The following TMPRSS15 variants were observed in gnomAD, a reference collection of about 807,000 sequenced individuals.
The protein encoded by TMPRSS15 is transmembrane serine protease 15.
Under a neutral mutation model 125.3 loss-of-function variants are expected in TMPRSS15, and 128 were observed. The observed-to-expected ratio is 1.02, with a 90% CI of 0.89 to 1.18. The LOEUF (loss-of-function observed/expected upper bound fraction) is 1.18, where lower values mean the gene tolerates loss of function less well. Ranked by LOEUF, TMPRSS15 falls within the 50% of genes most tolerant of loss-of-function variation. The pLI is 0.00. For synonymous variants in TMPRSS15, 446 were observed against 423.2 expected, an observed-to-expected ratio of 1.05 and a Z score of -0.66; for missense variants, 1,283 against 1,212.7, an observed-to-expected ratio of 1.06 and a Z score of -0.86.
chr21:18,457,963 G>A (rs546694628), intron 1 of TMPRSS15, among the ~76,000 whole-genome samples: 2 of 152,192 alleles, frequency 1.3e-5, no homozygotes, highest in South Asian at 2.1e-4. Flanking sequence ...ATCTCCATCC[G>A]TTGTTATACC....
chr21:18,390,649 G>A (rs1032720810), intron 3 of TMPRSS15, among the ~76,000 whole-genome samples: 3 of 152,152 alleles, frequency 2.0e-5, no homozygotes, highest in African/African-American at 7.2e-5. Flanking sequence ...ACAGGGGGAA[G>A]AAGTACCTAA....
chr21:18,331,664 A>G (rs1436649679), intron 14 of TMPRSS15, among the ~76,000 whole-genome samples: 1 of 152,160 alleles, frequency 6.6e-6, no homozygotes, highest in East Asian at 1.9e-4. Flanking sequence ...TTACTTTTTA[A>G]TACTTTCCAT....
intron 1 of TMPRSS15, among the ~76,000 whole-genome samples, chr21:18,468,553 A>G (rs1978712663): frequency 6.6e-6 from 1 of 152,090 alleles, no homozygotes; most frequent in Non-Finnish European, 1.5e-5. Flanking sequence ...ATCAACAAAA[A>G]GTTTTGCCTT....
intron 24 of TMPRSS15, among the ~76,000 whole-genome samples, chr21:18,272,754 T>C (rs2074574018): frequency 6.6e-6 from 1 of 152,020 alleles, no homozygotes; most frequent in Non-Finnish European, 1.5e-5. Flanking sequence ...AATAAATAAA[T>C]ACATACGTAA....
intron 1 of TMPRSS15, among the ~76,000 whole-genome samples, chr21:18,424,824 T>C (rs1240669273): frequency 1.1e-4 from 17 of 150,230 alleles, no homozygotes; most frequent in Admixed American, 1.1e-3. Flanking sequence ...TGTTGTGTTT[T>C]CTTGATGTAA....
At chr21:18,334,766 T>C (rs1158243619) in intron 13 of TMPRSS15, among the ~76,000 whole-genome samples, 1 of 152,198 alleles carries the variant, frequency 6.6e-6, no homozygotes, top group African/African-American at 2.4e-5. Flanking sequence ...CACAGTAATT[T>C]ACTGTCTCCT....
chr21:18,327,208 A>G (rs1228359296), intron 15 of TMPRSS15, among the ~76,000 whole-genome samples: 3 of 152,190 alleles, frequency 2.0e-5, no homozygotes, highest in African/African-American at 7.2e-5. Flanking sequence ...ACAAATTTTA[A>G]AACAATAAAT....
chr21:18,385,246 C>T (rs1045553657), intron 3 of TMPRSS15, among the ~76,000 whole-genome samples: 1 of 152,076 alleles, frequency 6.6e-6, no homozygotes, highest in Non-Finnish European at 1.5e-5. Flanking sequence ...CCAAACTTAC[C>T]CATACATGAA....
At chr21:18,452,751 G>A (rs186056252) in intron 1 of TMPRSS15, among the ~76,000 whole-genome samples, 1 of 45,362 alleles carries the variant, frequency 2.2e-5, no homozygotes, top group African/African-American at 5.8e-5. Flanking sequence ...ATTTCAATAT[G>A]AGCCAATAGA....
chr21:18,302,981 TC>T (rs1322690146), intron 18 of TMPRSS15, among the ~76,000 whole-genome samples: 1 of 152,220 alleles, frequency 6.6e-6, no homozygotes, highest in African/African-American at 2.4e-5. Context: ...TTAAGTTTTC[TC>T]AGTGCATTAT....
intron 3 of TMPRSS15, 41 bp from the exon 4 acceptor site, chr21:18,383,819 T>A: frequency 6.2e-7 from 1 of 1,600,594 alleles, no homozygotes; most frequent in South Asian, 1.1e-5. Flanking sequence ...AAGTCAGCCA[T>A]CTTCCACTGA....
At chr21:18,441,435 T>C (rs1569069573) in intron 1 of TMPRSS15, among the ~76,000 whole-genome samples, 2 of 151,208 alleles carry the variant, frequency 1.3e-5, no homozygotes, top group Admixed American at 1.3e-4. Flanking sequence ...TGAAACCCCA[T>C]CTCTACTAAA....
chr21:18,287,741 A>G (rs1432421931), intron 21 of TMPRSS15, among the ~76,000 whole-genome samples: 2 of 152,212 alleles, frequency 1.3e-5, no homozygotes, highest in African/African-American at 4.8e-5. Flanking sequence ...ACAAGGTTGG[A>G]AGTTGATATA....
chr21:18,477,163 G>A (rs891951530), intron 1 of TMPRSS15, among the ~76,000 whole-genome samples: 2 of 152,066 alleles, frequency 1.3e-5, no homozygotes, highest in African/African-American at 2.4e-5. Context: ...AAATTTTCAG[G>A]TTCCAAACCA....
chr21:18,363,954 C>A (rs2075701917), intron 7 of TMPRSS15, among the ~76,000 whole-genome samples: 1 of 151,992 alleles, frequency 6.6e-6, no homozygotes, highest in Non-Finnish European at 1.5e-5. Flanking sequence ...AGGGGCTGCA[C>A]TCCAAATCGA....
At chr21:18,328,238 C>T (rs966444925) in intron 15 of TMPRSS15, among the ~76,000 whole-genome samples, 1 of 152,002 alleles carries the variant, frequency 6.6e-6, no homozygotes, top group Admixed American at 6.5e-5. Context: ...TCTCCCTAGC[C>T]TTATTTTAAA....
At chr21:18,403,452 T>G (rs533568126) in intron 1 of TMPRSS15, 26 bp downstream of exon 1, 3 of 1,614,080 alleles carry the variant, frequency 1.9e-6, no homozygotes, top group Admixed American at 1.7e-5. Context: ...GAGAGCACCT[T>G]CACGAGCCAA....
intron 1 of TMPRSS15, among the ~76,000 whole-genome samples, chr21:18,472,406 C>T (rs1042611779): frequency 8.0e-5 from 12 of 149,344 alleles, no homozygotes; most frequent in Non-Finnish European, 1.3e-4. Flanking sequence ...AGTGATATTT[C>T]TAAAAATACA....
At chr21:18,458,746 C>T (rs1978490733) in intron 1 of TMPRSS15, among the ~76,000 whole-genome samples, 1 of 152,042 alleles carries the variant, frequency 6.6e-6, no homozygotes, top group African/African-American at 2.4e-5. Flanking sequence ...GAATCTCAAC[C>T]CTAACAGACC....
Sources: gnomAD v4.1 joint callset for allele counts (sites outside exome capture counted in the v4.1 genomes callset) on GRCh38, gnomAD v4.1.1 for gene constraint, MANE v1.5 for transcripts, NCBI Gene and HGNC (gene_info 2026-07-23, HGNC 2026-07-21) for gene names.